Variants in BANP observed in about 807,000 individuals in gnomAD.
BANP encodes the protein BTG3 associated nuclear protein.
In BANP, 11 loss-of-function variants were observed where a neutral mutation model predicts 68.1. The observed-to-expected ratio is 0.16, with a 90% CI of 0.10 to 0.27. The LOEUF is 0.27. BANP is among the 10% of genes least tolerant of loss of function. The probability of loss-of-function intolerance (pLI) is 1.00; values close to 1 mark genes in which losing one functional copy is unlikely to be tolerated. For synonymous variants in BANP, 329 were observed against 303.2 expected (o/e 1.09, Z -0.88); for missense variants, 504 against 722.7 (o/e 0.70, Z 3.47).
At chr16:88,073,068 G>A (rs1438463649) in intron 13 of BANP, among the ~76,000 whole-genome samples, 2 of 152,230 alleles carry the variant, frequency 1.3e-5, no homozygotes, top group African/African-American at 4.8e-5. Flanking sequence ...TGTCTGAGCA[G>A]CCTTTCCCTG....
chr16:88,039,063 A>G (rs1253404785), intron 11 of BANP, among the ~76,000 whole-genome samples: 4 of 152,194 alleles, frequency 2.6e-5, no homozygotes, highest in South Asian at 4.1e-4. Context: ...ACAGAAGGGC[A>G]TGTGCTCCCG....
At chr16:88,005,094 G>A (rs1247325365) in intron 5 of BANP, among the ~76,000 whole-genome samples, 1 of 152,120 alleles carries the variant, frequency 6.6e-6, no homozygotes, top group East Asian at 1.9e-4. Flanking sequence ...CTCCAGCTTC[G>A]TCCCCTTTCT....
chr16:88,065,800 A>G (rs1370404431), intron 12 of BANP, among the ~76,000 whole-genome samples: 1 of 152,126 alleles, frequency 6.6e-6, no homozygotes, highest in Non-Finnish European at 1.5e-5. Context: ...TTGCTCAGGT[A>G]GAGCACAAGG....
chr16:87,979,560 C>T (rs1037992549), intron 2 of BANP, among the ~76,000 whole-genome samples: 2 of 152,060 alleles, frequency 1.3e-5, no homozygotes, highest in Non-Finnish European at 2.9e-5. Context: ...GGGCACAGCA[C>T]CAGCAGAGCG....
At chr16:88,047,112 T>G (rs1444238725) in intron 11 of BANP, among the ~76,000 whole-genome samples, 1 of 151,964 alleles carries the variant, frequency 6.6e-6, no homozygotes, top group Non-Finnish European at 1.5e-5. Context: ...GTTTTGGTGA[T>G]CTTAGGGAGC....
At chr16:87,960,458 A>G (rs1012649227) in intron 1 of BANP, among the ~76,000 whole-genome samples, 3 of 152,142 alleles carry the variant, frequency 2.0e-5, no homozygotes, top group Non-Finnish European at 4.4e-5. Flanking sequence ...GGGTTTTGTT[A>G]TTTTTATCCT....
intron 4 of BANP, among the ~76,000 whole-genome samples, chr16:87,998,399 A>G (rs2067886529): frequency 6.6e-6 from 1 of 152,122 alleles, no homozygotes; most frequent in Non-Finnish European, 1.5e-5. Flanking sequence ...ATAGGTTAAT[A>G]GCTTCTCTGC....
At chr16:88,006,740 T>C (rs1165998113) in intron 6 of BANP, among the ~76,000 whole-genome samples, 30 of 149,614 alleles carry the variant, frequency 2.0e-4, no homozygotes, top group Non-Finnish European at 3.3e-4. Context: ...GATCATGAGG[T>C]CAGGAGTTCA....
At chr16:87,984,033 C>T (rs376218959) in intron 3 of BANP, 27 bp from the exon 4 acceptor site, 10 of 1,612,062 alleles carry the variant, frequency 6.2e-6, no homozygotes, top group African/African-American at 4.0e-5. Flanking sequence ...GAGACCCTTC[C>T]TAAAGCCGGT....
intron 11 of BANP, among the ~76,000 whole-genome samples, chr16:88,047,106 T>C (rs993668508): frequency 2.0e-5 from 3 of 152,054 alleles, no homozygotes. Context: ...GAACGTGTTT[T>C]GGTGATCTTA....
At chr16:88,068,235 G>A (rs1599093416) in intron 12 of BANP, among the ~76,000 whole-genome samples, 1 of 152,362 alleles carries the variant, frequency 6.6e-6, no homozygotes. Flanking sequence ...CTTACCGTGT[G>A]CTCCTCTGCT....
At chr16:87,978,622 C>G in intron 2 of BANP, 1 of 470,124 alleles carries the variant, frequency 2.1e-6, no homozygotes, top group Non-Finnish European at 4.4e-6. Flanking sequence ...GTCATGAGGC[C>G]GAAGGCATAG....
chr16:88,017,660 G>C (rs1234553258), intron 6 of BANP, among the ~76,000 whole-genome samples: 1 of 152,192 alleles, frequency 6.6e-6, no homozygotes, highest in Non-Finnish European at 1.5e-5. Flanking sequence ...TCACTGCCTG[G>C]GCAGGCAGGT....
In BANP at chr16:88,071,770, T is replaced by A. The variant is rs2090388836; in HGVS notation, c.1378-299T>A. 1 of 629,470 alleles carries A rather than the reference T, an allele frequency of 1.6e-6. No individual in the cohort carries two copies. Among genetic ancestry groups the A allele is most frequent in the African/African-American group, 1.8e-5 (1 of 55,622 alleles). 39.0% of individuals were successfully genotyped at this position (629,470 alleles called of 1,614,324 possible). On this transcript the variant is annotated intron_variant, in intron 12 of 13. Transcript: ENST00000682872. This position sits in a 1 kb window ranked among gnomAD's most constrained non-coding sequence, Gnocchi z 6.5. ...GGCATTTGCTGTTGCTCTCTTTTTC[T>A]GTGGAAGCTCTGCCTTGCTTTTTTT... is the stretch of plus-strand genomic sequence containing the variant.
chr16:87,984,806 C>T (rs1276623898), intron 4 of BANP, among the ~76,000 whole-genome samples: 1 of 152,224 alleles, frequency 6.6e-6, no homozygotes, highest in African/African-American at 2.4e-5. Context: ...CCGAGGCTTC[C>T]TGTCAGATAT....
chr16:88,071,984 G>C lies in BANP; in HGVS notation c.1378-85G>C. 6.6e-7 allele frequency: 1 copy of C among 1,516,220 alleles called. No individual in the cohort carries two copies. Among genetic ancestry groups the C allele is most frequent in the Non-Finnish European group, 8.9e-7 (1 of 1,129,616 alleles). 93.9% of individuals were successfully genotyped at this position (1,516,220 alleles called of 1,614,324 possible). A position where few individuals can be genotyped will look rare whatever the true frequency, so the allele number is the denominator to read the frequency against. On this transcript the variant is annotated intron_variant, in intron 12 of 13. Coordinates refer to ENST00000682872, the MANE Select transcript of BANP (RefSeq NM_001386991.1). This position sits in a 1 kb window ranked among gnomAD's most constrained non-coding sequence, Gnocchi z 6.5. ...TCAGGGGACAGCACGTGTGGGCTGG[G>C]GTCTGCGGTCTGTGGAGCCATGTGG... is the stretch of plus-strand genomic sequence containing the variant.
intron 6 of BANP, among the ~76,000 whole-genome samples, chr16:88,006,970 A>G (rs1413768984): frequency 6.8e-6 from 1 of 146,348 alleles, no homozygotes; most frequent in East Asian, 2.0e-4. Context: ...AAAAAAAAAA[A>G]GATAGTGATA....
At chr16:87,985,154 G>T (rs1186123041) in intron 4 of BANP, among the ~76,000 whole-genome samples, 1 of 152,252 alleles carries the variant, frequency 6.6e-6, no homozygotes, top group Non-Finnish European at 1.5e-5. Context: ...TGCTTTGTGG[G>T]CCTCGCCAGG....
intron 11 of BANP, among the ~76,000 whole-genome samples, chr16:88,060,952 A>T (rs2086598628): frequency 1.5e-5 from 2 of 136,912 alleles, no homozygotes; most frequent in East Asian, 4.8e-4. Flanking sequence ...TGTGTTCTTA[A>T]ACGTCCCCCA....
Sources: allele counts gnomAD v4.1 joint callset (sites outside exome capture counted in the v4.1 genomes callset), GRCh38; gene constraint gnomAD v4.1.1; non-coding constraint Gnocchi (gnomAD v3.1); transcripts MANE v1.5; gene names NCBI Gene and HGNC (gene_info 2026-07-23, HGNC 2026-07-21).